The following KCNC2 variants were observed in gnomAD, a reference collection of about 807,000 sequenced individuals.
KCNC2 encodes voltage-gated potassium channel KCNC2.
KCNC2 carries 21 observed loss-of-function variants against 44.5 expected under a neutral mutation model. That is an observed-to-expected ratio of 0.47 (90% confidence interval 0.33 to 0.68). The LOEUF (loss-of-function observed/expected upper bound fraction) is 0.68. Among genes scored for constraint, KCNC2 ranks in the 30% least tolerant of loss-of-function variants. KCNC2 has a pLI of 0.01. For missense variants in KCNC2, 589 were observed against 826.2 expected (o/e 0.71, Z 3.52); for synonymous variants, 391 against 339.1 (o/e 1.15, Z -1.68).
At chr12:75,154,682 A>C (rs1228951266) in intron 2 of KCNC2, among the ~76,000 whole-genome samples, 1 of 152,036 alleles carries the variant, frequency 6.6e-6, no homozygotes, top group Non-Finnish European at 1.5e-5. Context: ...TTGAGTCATG[A>C]AATATGTGAG....
chr12:75,043,143 G>C lies in KCNC2; in HGVS notation c.1879C>G (p.Leu627Val). ...VTSPYNSPCP[L>V]RRSRSPIPSI... is the part of the protein sequence containing the mutation. Reference sequence around the variant, plus strand: ...GGGATGGGAGATCGAGAGCGCCTCAGAGGACAAGGAGAGTTGTAGGGTGAT... The same window carrying C: ...GGGATGGGAGATCGAGAGCGCCTCACAGGACAAGGAGAGTTGTAGGGTGAT... The change falls in exon 5 of 5, where the codon CTG becomes GTG. Residue 627 changes from leucine (L) to valine (V), a missense_variant. Leu to Val is a conservative substitution (Grantham distance 32). Coordinates refer to ENST00000549446, the MANE Select transcript of KCNC2 (RefSeq NM_139137.4). 1.9e-6 allele frequency: 3 copies of C among 1,612,514 alleles called. No individual in the cohort carries two copies. The highest frequency in any genetic ancestry group is 2.5e-6 in the Non-Finnish European group (3 of 1,179,014).
In KCNC2 at chr12:75,088,964, A is replaced by G. The variant is rs1041652281; in HGVS notation, c.688-37647T>C. On this transcript the variant is annotated intron_variant, in intron 2 of 4. Coordinates refer to ENST00000549446, the MANE Select transcript of KCNC2 (RefSeq NM_139137.4). ...AGGTGATAACCTCCACAGCCCCATA[A>G]AACAATGATAATATAAAGATCAAGT... Among the ~76,000 whole-genome samples the G allele has an allele frequency of 3.3e-5, 5 of 152,050 alleles. No individual in the cohort carries two copies. The East Asian group carries it at 9.7e-4, about 29-fold the overall frequency.
At chr12:75,068,083 T>G (rs1883016889) in intron 2 of KCNC2, among the ~76,000 whole-genome samples, 1 of 152,110 alleles carries the variant, frequency 6.6e-6, no homozygotes, top group African/African-American at 2.4e-5. Context: ...TGAATCAATC[T>G]GGGGAAAAGC....
At chr12:75,088,348 G>A (rs1044974019) in intron 2 of KCNC2, among the ~76,000 whole-genome samples, 3 of 152,140 alleles carry the variant, frequency 2.0e-5, no homozygotes, top group South Asian at 2.1e-4. Context: ...TATTTAACTT[G>A]TCTCTCCTAC....
intron 2 of KCNC2, among the ~76,000 whole-genome samples, chr12:75,112,493 A>T (rs1290113045): frequency 6.6e-6 from 1 of 151,806 alleles, no homozygotes; most frequent in South Asian, 2.1e-4. Context: ...TTTTTATTTT[A>T]TCTTATCTAA....
rs1377250186 is a variant in KCNC2 at position 75,055,597 on chromosome 12, A to G, written c.688-4280T>C. ...TATGTCATGTCAACTGATTGTACAGATCTGATGCATCATCCCAGGTAGTTT... is the reference window on the plus strand; with the variant it reads ...TATGTCATGTCAACTGATTGTACAGGTCTGATGCATCATCCCAGGTAGTTT... On this transcript the variant is annotated intron_variant, in intron 2 of 4. Coordinates refer to ENST00000549446, the MANE Select transcript of KCNC2 (RefSeq NM_139137.4). 2.0e-5 allele frequency among the ~76,000 whole-genome samples: 3 copies of G among 152,096 alleles called. No individual in the cohort carries two copies. In the East Asian group the frequency reaches 5.8e-4, roughly 29 times the overall value.
At chr12:75,197,874 AC>A (rs1326657093) in intron 2 of KCNC2, among the ~76,000 whole-genome samples, 3 of 151,970 alleles carry the variant, frequency 2.0e-5, no homozygotes, top group Non-Finnish European at 4.4e-5. Context: ...CATCTAAAAA[AC>A]AAACATTACT....
chr12:75,206,265 G>T (rs1374468982), intron 2 of KCNC2, among the ~76,000 whole-genome samples: 3 of 152,164 alleles, frequency 2.0e-5, no homozygotes, highest in Non-Finnish European at 4.4e-5. Flanking sequence ...ACATGCAGTT[G>T]CAAAGATTTA....
chr12:75,113,947 T>C (rs771066244), intron 2 of KCNC2, among the ~76,000 whole-genome samples: 4 of 152,180 alleles, frequency 2.6e-5, no homozygotes, highest in Non-Finnish European at 5.9e-5. Flanking sequence ...TTACGGCTTA[T>C]TTATTTGTAA....
chr12:75,134,205 A>C (rs1389807329), intron 2 of KCNC2, among the ~76,000 whole-genome samples: 1 of 151,950 alleles, frequency 6.6e-6, no homozygotes, highest in Non-Finnish European at 1.5e-5. Flanking sequence ...AAATTAGAGC[A>C]TAGTACTTAA....
At chr12:75,121,532 G>A (rs1888045456) in intron 2 of KCNC2, among the ~76,000 whole-genome samples, 1 of 152,182 alleles carries the variant, frequency 6.6e-6, no homozygotes, top group Admixed American at 6.5e-5. Flanking sequence ...GTTTCCCTGA[G>A]GAAGTGATTG....
intron 2 of KCNC2, among the ~76,000 whole-genome samples, chr12:75,095,196 C>A (rs1308114908): frequency 6.6e-6 from 1 of 151,812 alleles, no homozygotes; most frequent in African/African-American, 2.4e-5. Context: ...AATTACACCA[C>A]CATGCTACTG....
intron 2 of KCNC2, chr12:75,124,978 T>C (rs775813434): frequency 0.015 from 2,201 of 150,862 alleles, 21 homozygotes; most frequent in Non-Finnish European, 0.021. Context: ...TTGTGGCGGG[T>C]GCCTGTAGTC....
intron 2 of KCNC2, among the ~76,000 whole-genome samples, chr12:75,203,149 A>G (rs1196514702): frequency 6.6e-6 from 1 of 151,874 alleles, no homozygotes; most frequent in Admixed American, 6.6e-5. Flanking sequence ...ATCTTAATAT[A>G]TGATTCAAAT....
chr12:75,156,311 A>G (rs779784639), intron 2 of KCNC2, among the ~76,000 whole-genome samples: 7 of 151,832 alleles, frequency 4.6e-5, no homozygotes, highest in Non-Finnish European at 1.0e-4. Context: ...TTGAAAAAAT[A>G]TCAGAAAAAT....
chr12:75,042,134 G>A lies in KCNC2; in HGVS notation c.*971C>T. The A allele has an allele frequency of 8.0e-7, 1 of 1,248,888 alleles. No homozygotes were observed. Among genetic ancestry groups the A allele is most frequent in the Non-Finnish European group, 1.0e-6 (1 of 993,642 alleles). The allele number at this position is 1,248,888 out of a possible 1,614,324, so 77.4% of individuals were successfully genotyped here. A position where few individuals can be genotyped will look rare whatever the true frequency, so the allele number is the denominator to read the frequency against. The stretch of plus-strand genomic sequence containing the variant: ...TAATAAATAAAAATAAAATAAGGGG[G>A]TAAAAAAAAGACACAAGAGCTTTGG... On this transcript the variant is annotated 3_prime_UTR_variant, in exon 5 of 5. Coordinates refer to ENST00000549446, the MANE Select transcript of KCNC2 (RefSeq NM_139137.4).
chr12:75,127,177 G>A (rs561642617), intron 2 of KCNC2, among the ~76,000 whole-genome samples: 1 of 152,252 alleles, frequency 6.6e-6, no homozygotes, highest in Non-Finnish European at 1.5e-5. Context: ...TGTTGCAAAA[G>A]TCACATTTTA....
chr12:75,194,994 T>C (rs2030637171), intron 2 of KCNC2, among the ~76,000 whole-genome samples: 1 of 152,220 alleles, frequency 6.6e-6, no homozygotes, highest in African/African-American at 2.4e-5. Flanking sequence ...CAGTGAGTTT[T>C]ATGTAAAGCA....
Position 75,069,634 on chromosome 12 carries a change from A to C in KCNC2, c.688-18317T>G, listed in dbSNP as rs140085466. On this transcript the variant is annotated intron_variant, in intron 2 of 4. Coordinates refer to ENST00000549446, the MANE Select transcript of KCNC2 (RefSeq NM_139137.4). ...TAAGCATAACTGAGCTCAATTAACT[A>C]TTTTGTATTACCTTAAAAGAAGGAA... Among the ~76,000 whole-genome samples, 1,004 of 152,264 alleles carry C rather than the reference A, an allele frequency of 6.6e-3. 10 individuals carry two copies. The highest frequency in any genetic ancestry group is 0.022 in the African/African-American group (895 of 41,550).
Sources: gnomAD v4.1 joint callset for allele counts (sites outside exome capture counted in the v4.1 genomes callset) on GRCh38, gnomAD v4.1.1 for gene constraint, MANE v1.5 for transcripts, NCBI Gene and HGNC (gene_info 2026-07-23, HGNC 2026-07-21) for gene names.